The following RNF19A variants were observed in gnomAD, a reference collection of about 807,000 sequenced individuals.
RNF19A encodes ring finger protein 19A, RBR E3 ubiquitin protein ligase, also known as E3 ubiquitin-protein ligase RNF19A.
Under a neutral mutation model 75.7 loss-of-function variants are expected in RNF19A, and 32 were observed. The ratio of observed to expected loss-of-function variants is 0.42; its 90% CI spans 0.32 to 0.57. The LOEUF (loss-of-function observed/expected upper bound fraction) is 0.57, where lower values mean the gene tolerates loss of function less well. RNF19A is among the 20% of genes least tolerant of loss of function. The pLI is 0.10. For missense variants in RNF19A, 782 were observed against 1,036.3 expected, an observed-to-expected ratio of 0.75 and a Z score of 3.37; for synonymous variants, 335 against 345.2, an observed-to-expected ratio of 0.97 and a Z score of 0.33.
chr8:100,293,276 T>C (rs1316669519), intron 1 of RNF19A, among the ~76,000 whole-genome samples: 1 of 152,260 alleles, frequency 6.6e-6, no homozygotes, highest in African/African-American at 2.4e-5. Context: ...TTAGCATTTT[T>C]TGATATGCAG....
Position 100,260,055 on chromosome 8 carries a change from T to C in RNF19A, c.1683-58A>G, listed in dbSNP as rs1819642761. 4.9e-6 allele frequency: 7 copies of C among 1,439,292 alleles called. No individual in the cohort carries two copies. The highest frequency in any genetic ancestry group is 4.5e-5 in the East Asian group (2 of 44,010). The allele number at this position is 1,439,292 out of a possible 1,614,324, so 89.2% of individuals were successfully genotyped here. On this transcript the variant is annotated intron_variant, in intron 8 of 9. Transcript: ENST00000341084. This position sits in a 1 kb window ranked among gnomAD's most constrained non-coding sequence, Gnocchi z 4.1. ...ATTTAATATCAGCACTACTGTAATA[T>C]GTATCTTTAAATAATTCAGTTAAGA...
Position 100,269,830 on chromosome 8 carries a change from A to G in RNF19A, c.1028+39T>C, listed in dbSNP as rs1446468993. The G allele has an allele frequency of 6.8e-7, 1 of 1,464,112 alleles. No homozygotes were observed. The highest frequency in any genetic ancestry group is 9.1e-7 in the Non-Finnish European group (1 of 1,096,372). The allele number at this position is 1,464,112 out of a possible 1,614,324, so 90.7% of individuals were successfully genotyped here. On this transcript the variant is annotated intron_variant, in intron 4 of 9. Coordinates refer to ENST00000341084, the MANE Select transcript of RNF19A (RefSeq NM_183419.4). This position sits in a 1 kb window ranked among gnomAD's most constrained non-coding sequence, Gnocchi z 5.7. ...AAGTTATTTTGTCTTACAATATAAA[A>G]TTACATTTACATATAAATAGCTCCT...
rs533248647 is a variant in RNF19A, at chr8:100,333,686, G to T, written c.-243+2422C>A. ...TTTAAAACAATAGCTGGGCATGGTG[G>T]TGTCTCCTGTAGTCCTAGCTACTTA... On this transcript the variant is annotated intron_variant, in intron 1 of 3. Transcript: ENST00000519527. The surrounding 1 kb of genome is among the most constrained non-coding windows in gnomAD (Gnocchi z 4.7). Among the ~76,000 whole-genome samples the T allele has an allele frequency of 6.6e-6, 1 of 152,310 alleles. No individual in the cohort carries two copies. Among genetic ancestry groups the T allele is most frequent in the South Asian group, 2.1e-4 (1 of 4,826 alleles).
rs1431460696 is a variant in RNF19A, at chr8:100,325,095, A to C, written c.-243+11013T>G. Among the ~76,000 whole-genome samples, 1 of 152,086 alleles carries C rather than the reference A, an allele frequency of 6.6e-6. No individual in the cohort carries two copies. The highest frequency in any genetic ancestry group is 1.5e-5 in the Non-Finnish European group (1 of 68,036). On this transcript the variant is annotated intron_variant, in intron 1 of 3. Coordinates refer to the RNF19A transcript ENST00000519527. The surrounding 1 kb of genome is among the most constrained non-coding windows in gnomAD (Gnocchi z 4.3). ...CTAATTTTTTGTATTTTTAGTAGAGATGGGGTTTCACCATGTTGGTCAGGC... is the reference window on the plus strand; with the variant it reads ...CTAATTTTTTGTATTTTTAGTAGAGCTGGGGTTTCACCATGTTGGTCAGGC...
At chr8:100,280,844 T>C (rs1478991413) in intron 2 of RNF19A, among the ~76,000 whole-genome samples, 3 of 152,236 alleles carry the variant, frequency 2.0e-5, no homozygotes, top group Non-Finnish European at 4.4e-5. Context: ...GACGTTCCTT[T>C]TGTGGGAGCT....
At chr8:100,309,406 C>A in intron 1 of RNF19A, 1 of 985,686 alleles carries the variant, frequency 1.0e-6, no homozygotes, top group Non-Finnish European at 1.2e-6. Flanking sequence ...CCCGTTAGAG[C>A]CGATTTCACC....
At chr8:100,335,690 C>A in intron 1 of RNF19A, among the ~76,000 whole-genome samples, 1 of 152,156 alleles carries the variant, frequency 6.6e-6, no homozygotes, top group East Asian at 1.9e-4. Context: ...CTAGATGGAG[C>A]CTGATTCTCT....
At position 100,261,294 on chromosome 8, in the gene RNF19A, C is replaced by T. The variant is rs75753039; in HGVS notation, c.1682+248G>A. Among the ~76,000 whole-genome samples, 11,144 of 151,910 alleles carry T rather than the reference C, an allele frequency of 0.073. 1,157 individuals are homozygous for T. Among genetic ancestry groups the T allele is most frequent in the African/African-American group, 0.23 (9,495 of 41,330 alleles). ...TATTTTTTTAGTAGAGATGGGGTTTCGCCATGTTGCCCAGGCTGGTCTCGA... is the reference window on the plus strand; with the variant it reads ...TATTTTTTTAGTAGAGATGGGGTTTTGCCATGTTGCCCAGGCTGGTCTCGA... On this transcript the variant is annotated intron_variant, in intron 8 of 9. Transcript: ENST00000341084. This position sits in a 1 kb window ranked among gnomAD's most constrained non-coding sequence, Gnocchi z 4.4.
rs1266628464 is a variant in RNF19A, at chr8:100,309,545, G to A, written c.-94+322C>T. The A allele has an allele frequency of 3.0e-6, 3 of 984,456 alleles. No individual in the cohort carries two copies. The African/African-American group carries it at 5.2e-5, about 17-fold the overall frequency. 61.0% of individuals were successfully genotyped at this position (984,456 alleles called of 1,614,324 possible). On this transcript the variant is annotated intron_variant, in intron 1 of 9. Coordinates refer to ENST00000341084, the MANE Select transcript of RNF19A (RefSeq NM_183419.4). ...CCGTCATAATATCGCCGGGCCGGCC[G>A]CCGGCCGCACAGGCACCAGGAGGAC...
intron 1 of RNF19A, among the ~76,000 whole-genome samples, chr8:100,328,387 G>A (rs1027589742): frequency 3.3e-5 from 5 of 152,182 alleles, no homozygotes; most frequent in African/African-American, 1.2e-4. Context: ...TATGTTGTCT[G>A]TCAACATGCA....
Position 100,275,060 on chromosome 8 carries a change from T to C in RNF19A, c.776A>G (p.His259Arg). The C allele has an allele frequency of 1.2e-6, 2 of 1,614,118 alleles. No homozygotes were observed. The highest frequency in any genetic ancestry group is 1.7e-6 in the Non-Finnish European group (2 of 1,180,008). Residue 259 changes from histidine (H) to arginine (R), a missense_variant, in exon 3 of 10, where the codon CAC becomes CGC. Coordinates refer to ENST00000341084, the MANE Select transcript of RNF19A (RefSeq NM_183419.4). This position sits in a 1 kb window ranked among gnomAD's most constrained non-coding sequence, Gnocchi z 4.3. ...AGCAGCATCACAGGTCTGGTTGGGG[T>C]GCCAAATCTGTTTACAGTGGTAGCA... ...EFCYHCKQIW[H>R]PNQTCDAARQ... is the part of the protein sequence containing the mutation.
rs1002609757 is a variant in RNF19A, at chr8:100,258,299, G to A, written c.*257C>T. The A allele has an allele frequency of 6.8e-6, 3 of 440,972 alleles. No homozygotes were observed. Among genetic ancestry groups the A allele is most frequent in the African/African-American group, 4.1e-5 (2 of 49,058 alleles). 27.3% of individuals were successfully genotyped at this position (440,972 alleles called of 1,614,324 possible). On this transcript the variant is annotated 3_prime_UTR_variant, in exon 10 of 10. Coordinates refer to ENST00000341084, the MANE Select transcript of RNF19A (RefSeq NM_183419.4). The surrounding 1 kb of genome is among the most constrained non-coding windows in gnomAD (Gnocchi z 4.3). ...AAGTATGTGCTTCAAGCAATGTTTT[G>A]TGGCAAACACACAAAACATGCTTTG...
In RNF19A at chr8:100,269,954, T is replaced by A. The variant is rs748471825; in HGVS notation, c.943A>T (p.Ser315Cys). ...AAYIIKMNDG[S>C]CNHMTCAVCG... ...ACAGCACATGTCATGTGATTGCAGCTCCCATCATTCATCTTTATTATATAA... is the reference window on the plus strand; with the variant it reads ...ACAGCACATGTCATGTGATTGCAGCACCCATCATTCATCTTTATTATATAA... Residue 315 changes from serine to cysteine, a missense_variant, in exon 4 of 10, where the codon AGC becomes TGC. Coordinates refer to ENST00000341084, the MANE Select transcript of RNF19A (RefSeq NM_183419.4). The surrounding 1 kb of genome is among the most constrained non-coding windows in gnomAD (Gnocchi z 5.7). 4.3e-6 allele frequency: 7 copies of A among 1,610,268 alleles called. No individual in the cohort carries two copies. The highest frequency in any genetic ancestry group is 1.3e-5 in the African/African-American group (1 of 74,750).
At chr8:100,309,557 G>C in intron 1 of RNF19A, 1 of 982,514 alleles carries the variant, frequency 1.0e-6, no homozygotes, top group Non-Finnish European at 1.2e-6. Context: ...CGGCCGCACA[G>C]GCACCAGGAG....
intron 7 of RNF19A, 81 bp downstream of exon 7, chr8:100,263,951 TTC>T (rs1400636577): frequency 7.7e-6 from 9 of 1,176,340 alleles, no homozygotes; most frequent in Non-Finnish European, 1.1e-5. Flanking sequence ...GCAATGGAAA[TTC>T]TGAGTTGCAT....
In RNF19A at chr8:100,330,122, T is replaced by C. The variant is rs1361194200; in HGVS notation, c.-243+5986A>G. On this transcript the variant is annotated intron_variant, in intron 1 of 3. Coordinates refer to the RNF19A transcript ENST00000519527. The surrounding 1 kb of genome is among the most constrained non-coding windows in gnomAD (Gnocchi z 4.1). Reference sequence around the variant, plus strand: ...TTCATAATTATTCTCTACCGACGTTTCCATCCAAACACCATCCCTTCCACT... The same window carrying C: ...TTCATAATTATTCTCTACCGACGTTCCCATCCAAACACCATCCCTTCCACT... Among the ~76,000 whole-genome samples the C allele has an allele frequency of 6.6e-6, 1 of 152,138 alleles. No individual in the cohort carries two copies. Among genetic ancestry groups the C allele is most frequent in the East Asian group, 1.9e-4 (1 of 5,190 alleles).
At position 100,333,790 on chromosome 8, in the gene RNF19A, C is replaced by T. The variant is rs192519276; in HGVS notation, c.-243+2318G>A. On this transcript the variant is annotated intron_variant, in intron 1 of 3. Transcript: ENST00000519527. This position sits in a 1 kb window ranked among gnomAD's most constrained non-coding sequence, Gnocchi z 4.7. ...CTATGATTATGCCACTGCACTCCAG[C>T]CTGGGCAATAGAGTGACACCCTGTC... Among the ~76,000 whole-genome samples the T allele has an allele frequency of 8.3e-4, 126 of 152,270 alleles. No homozygotes were observed. In the East Asian group the frequency reaches 0.02, roughly 24 times the overall value.
intron 1 of RNF19A, chr8:100,309,540 C>A (rs1822207084): frequency 5.1e-6 from 5 of 984,812 alleles, no homozygotes; most frequent in Non-Finnish European, 6.0e-6. Flanking sequence ...ATCGCCGGGC[C>A]GGCCGCCGGC....
chr8:100,327,699 G>T (rs1036855648), intron 1 of RNF19A, among the ~76,000 whole-genome samples: 2 of 152,096 alleles, frequency 1.3e-5, no homozygotes, highest in African/African-American at 4.8e-5. Flanking sequence ...TTCAGAAAGA[G>T]GATGCTAGAA....
Sources: allele counts gnomAD v4.1 joint callset (sites outside exome capture counted in the v4.1 genomes callset), GRCh38; gene constraint gnomAD v4.1.1; non-coding constraint Gnocchi (gnomAD v3.1); transcripts MANE v1.5; gene names NCBI Gene and HGNC (gene_info 2026-07-23, HGNC 2026-07-21).